PABPC4: variants seen among roughly 807,000 people sequenced by gnomAD.
PABPC4 encodes the protein poly(A) binding protein cytoplasmic 4.
In PABPC4, 15 loss-of-function variants were observed where a neutral mutation model predicts 74.5. The ratio of observed to expected loss-of-function variants is 0.20; its 90% CI spans 0.13 to 0.31. The LOEUF is 0.31. PABPC4 is among the 10% of genes least tolerant of loss of function. PABPC4 has a pLI of 1.00. For synonymous variants in PABPC4, 345 were observed against 303.0 expected (o/e 1.14, Z -1.44); for missense variants, 610 against 853.5 (o/e 0.71, Z 3.55).
intron 15 of PABPC4, 29 bp downstream of exon 15, chr1:39,561,656 G>A: frequency 1.3e-6 from 2 of 1,490,532 alleles, no homozygotes; most frequent in Non-Finnish European, 1.9e-6. Context: ...AATGCTCATA[G>A]GAACAAAAAT....
chr1:39,572,611 T>C lies in PABPC4; in HGVS notation c.194-25A>G, dbSNP rs770857166. The C allele has an allele frequency of 3.8e-6, 6 of 1,595,890 alleles. No homozygotes were observed. The South Asian group carries it at 6.7e-5, about 18-fold the overall frequency. The stretch of plus-strand genomic sequence containing the variant: ...GCTGTAAGAGAGAAACACATTTCAA[T>C]AAGGAGAGAAAACGTCAGCTCCCAC... On this transcript the variant is annotated intron_variant, in intron 1 of 15. Transcript: ENST00000372858.
chr1:39,573,102 T>C (rs1365547495), intron 1 of PABPC4: 4 of 151,948 alleles, frequency 2.6e-5, no homozygotes, highest in African/African-American at 2.4e-5. Flanking sequence ...ATCAAAGTTA[T>C]CAAGTCATTT....
rs992186279 is a variant in PABPC4 at position 39,565,460 on chromosome 1, G to A, written c.973-82C>T. The stretch of plus-strand genomic sequence containing the variant: ...CTTGTGCCTGTAATCCCAGCACTTT[G>A]GAAGGCTGAGGTGGGAGGGCTGCTT... On this transcript the variant is annotated intron_variant, in intron 7 of 15. Transcript: ENST00000372858. 5.6e-6 allele frequency: 8 copies of A among 1,425,164 alleles called. No individual in the cohort carries two copies. The Admixed American group carries it at 1.5e-4, about 27-fold the overall frequency. 88.3% of individuals were successfully genotyped at this position (1,425,164 alleles called of 1,614,324 possible). A position where few individuals can be genotyped will look rare whatever the true frequency, so the allele number is the denominator to read the frequency against.
intron 2 of PABPC4, chr1:39,571,631 G>A (rs1159716352): frequency 1.9e-6 from 1 of 528,234 alleles, no homozygotes; most frequent in Non-Finnish European, 3.6e-6. Context: ...GCTCATGCCT[G>A]TAATCCCAAT....
In PABPC4 at chr1:39,576,431, G is replaced by C. The variant is rs1646027423; in HGVS notation, c.-480C>G. The C allele has an allele frequency of 6.6e-6, 1 of 151,426 alleles. No individual in the cohort carries two copies. The highest frequency in any genetic ancestry group is 1.5e-5 in the Non-Finnish European group (1 of 67,764). 9.4% of individuals were successfully genotyped at this position (151,426 alleles called of 1,614,324 possible). On this transcript the variant is annotated 5_prime_UTR_variant, in exon 1 of 16. Coordinates refer to ENST00000372858, the MANE Select transcript of PABPC4 (RefSeq NM_001135653.2). The stretch of plus-strand genomic sequence containing the variant: ...ACCAAATCTTTGTGGGCGCCGACTC[G>C]GCGAGCCCCGGGCGGGCGGCGAAGG...
intron 1 of PABPC4, among the ~76,000 whole-genome samples, chr1:39,573,898 G>T (rs561817194): frequency 6.6e-6 from 1 of 152,052 alleles, no homozygotes; most frequent in African/African-American, 2.4e-5. Context: ...ATCACTAATC[G>T]CAACAAGGAT....
In PABPC4 at chr1:39,575,854, G is replaced by A. The variant is rs757561141; in HGVS notation, c.98C>T (p.Pro33Leu). The A allele has an allele frequency of 3.1e-6, 5 of 1,612,712 alleles. No homozygotes were observed. Among genetic ancestry groups the A allele is most frequent in the South Asian group, 1.1e-5 (1 of 91,026 alleles). ...CCGGATGGACAGCACAGGCCCCGCG[G>A]GGCTGAACTTTTCGTACAGCATGGC... ...TEAMLYEKFS[P>L]AGPVLSIRVC... Residue 33 changes from proline to leucine, a missense_variant, in exon 1 of 16, where the codon CCC becomes CTC. Transcript: ENST00000372858.
chr1:39,573,442 C>T (rs1449919460), intron 1 of PABPC4, among the ~76,000 whole-genome samples: 3 of 152,168 alleles, frequency 2.0e-5, no homozygotes, highest in Non-Finnish European at 2.9e-5. Flanking sequence ...CCTGGGTGCT[C>T]AACCAACTTC....
At chr1:39,563,372 A>G (rs1645790484) in intron 12 of PABPC4, 1 of 492,500 alleles carries the variant, frequency 2.0e-6, no homozygotes, top group Non-Finnish European at 3.6e-6. Flanking sequence ...TACAAACAGA[A>G]GAGGAAGCAC....
At position 39,563,848 on chromosome 1, in the gene PABPC4, A is replaced by C. The variant is rs1645797091; in HGVS notation, c.1528T>G (p.Cys510Gly). The C allele has an allele frequency of 6.2e-7, 1 of 1,614,256 alleles. No homozygotes were observed. Among genetic ancestry groups the C allele is most frequent in the Non-Finnish European group, 8.5e-7 (1 of 1,180,046 alleles). ...CATCCAATACCACCTCCAGACTGGC[A>C]GCTGTCAGTCAGCCCTTGCTGGGCG... ...GAAQQGLTDS[C>G]QSGGVPTAVQ... Residue 510 changes from cysteine (C) to glycine (G), a missense_variant, in exon 11 of 16, where the codon TGC becomes GGC. Physicochemically the swap from Cys to Gly is radical, Grantham distance 159. This residue lies in a region of PABPC4 where 277 missense variants were observed against 301.8 expected (regional missense o/e 0.92). Transcript: ENST00000372858.
Position 39,572,703 on chromosome 1 carries a change from C to T in PABPC4, c.194-117G>A, listed in dbSNP as rs1426199676. On this transcript the variant is annotated intron_variant, in intron 1 of 15. Coordinates refer to ENST00000372858, the MANE Select transcript of PABPC4 (RefSeq NM_001135653.2). ...GGTAATCACTCTTGATAAAAGGCAA[C>T]TCTATTAAAATAAAAGGGCATCAGA... 4 of 704,536 alleles carry T rather than the reference C, an allele frequency of 5.7e-6. No individual in the cohort carries two copies. The African/African-American group carries it at 7.1e-5, about 13-fold the overall frequency. The allele number at this position is 704,536 out of a possible 1,614,324, so 43.6% of individuals were successfully genotyped here.
At chr1:39,566,819 G>A (rs1487310720) in intron 7 of PABPC4, among the ~76,000 whole-genome samples, 3 of 152,118 alleles carry the variant, frequency 2.0e-5, no homozygotes, top group Non-Finnish European at 1.5e-5. Context: ...ATGAGGGCCA[G>A]TCAAGGGGGG....
chr1:39,564,964 T>C (rs1418105467), intron 8 of PABPC4, 142 bp downstream of exon 8: 4 of 980,396 alleles, frequency 4.1e-6, no homozygotes, highest in African/African-American at 1.6e-5. Flanking sequence ...TTTGTGACCA[T>C]GGGTAAGTCC....
In PABPC4 at chr1:39,565,252, G is replaced by C; in HGVS notation, c.1099C>G (p.Leu367Val). Residue 367 changes from leucine to valine, a missense_variant, in exon 8 of 16, where the codon CTG (leucine) becomes GTG (valine). Physicochemically the swap from Leu to Val is conservative, Grantham distance 32. Coordinates refer to ENST00000372858, the MANE Select transcript of PABPC4 (RefSeq NM_001135653.2). Reference protein sequence around the residue: ...IVGSKPLYVALAQRKEERKAH... With the variant: ...IVGSKPLYVAVAQRKEERKAH... The stretch of plus-strand genomic sequence containing the variant: ...TTTCTCTCTTCCTTCCTCTGGGCCA[G>C]GGCAACATATAGTGGCTTGGAGCCC... 6.2e-7 allele frequency: 1 copy of C among 1,614,230 alleles called. No individual in the cohort carries two copies.
chr1:39,568,081 C>A (rs1233968534), intron 6 of PABPC4: 1 of 333,520 alleles, frequency 3.0e-6, no homozygotes, highest in Admixed American at 4.7e-5. Context: ...CACAGTGAAA[C>A]CCCGTCTCTA....
chr1:39,571,306 T>C lies in PABPC4; in HGVS notation c.431A>G (p.His144Arg). 1 of 1,614,172 alleles carries C rather than the reference T, an allele frequency of 6.2e-7. No homozygotes were observed. Among genetic ancestry groups the C allele is most frequent in the East Asian group, 2.2e-5 (1 of 44,892 alleles). ...GTCGGCAGCCTCTTGGGTCTCGAAG[T>C]GGACAAAGGCATAACCCTTAGAGCC... ...ENGSKGYAFVHFETQEAADKA... is the reference protein window; with the variant it reads ...ENGSKGYAFVRFETQEAADKA... Residue 144 changes from histidine (H) to arginine (R), a missense_variant, in exon 3 of 16, where the codon CAC becomes CGC. His to Arg is a conservative substitution (Grantham distance 29). Around this residue, in one of 4 missense-constraint regions of PABPC4, gnomAD observed 304 missense variants for 478.9 expected, o/e 0.63. Transcript: ENST00000372858.
At position 39,571,300 on chromosome 1, in the gene PABPC4, T is replaced by A; in HGVS notation, c.437A>T (p.Glu146Val). 1.9e-6 allele frequency: 3 copies of A among 1,614,172 alleles called. No individual in the cohort carries two copies. Among genetic ancestry groups the A allele is most frequent in the Non-Finnish European group, 2.5e-6 (3 of 1,180,030 alleles). ...GSKGYAFVHF[E>V]TQEAADKAIE... ...GGCCTTGTCGGCAGCCTCTTGGGTC[T>A]CGAAGTGGACAAAGGCATAACCCTT... Residue 146 changes from glutamate to valine, a missense_variant, in exon 3 of 16, where the codon GAG becomes GTG. Physicochemically the swap from Glu to Val is moderately radical, Grantham distance 121. Transcript: ENST00000372858.
chr1:39,567,740 C>T lies in PABPC4; in HGVS notation c.972+11G>A. ...ACCACTGCTTTCAATCCCCAGATCG[C>T]AGTATAATACCTTAGCACTGGTAAT... is the stretch of plus-strand genomic sequence containing the variant. On this transcript the variant is annotated intron_variant, in intron 7 of 15. Coordinates refer to ENST00000372858, the MANE Select transcript of PABPC4 (RefSeq NM_001135653.2). 4 of 1,301,034 alleles carry T rather than the reference C, an allele frequency of 3.1e-6. No homozygotes were observed. The highest frequency in any genetic ancestry group is 4.5e-6 in the Non-Finnish European group (4 of 895,604). 80.6% of individuals were successfully genotyped at this position (1,301,034 alleles called of 1,614,324 possible). A position where few individuals can be genotyped will look rare whatever the true frequency, so the allele number is the denominator to read the frequency against.
At chr1:39,568,642 T>C (rs776247504) in intron 6 of PABPC4, 160 bp downstream of exon 6, 15 of 641,080 alleles carry the variant, frequency 2.3e-5, no homozygotes, top group Non-Finnish European at 4.0e-5. Context: ...TAATCAGTCA[T>C]ATGTAGTAGG....
Sources: allele counts gnomAD v4.1 joint callset (sites outside exome capture counted in the v4.1 genomes callset), GRCh38; gene constraint gnomAD v4.1.1; regional missense constraint gnomAD v4.1.1; transcripts MANE v1.5; gene names NCBI Gene and HGNC (gene_info 2026-07-23, HGNC 2026-07-21).